The following ANKRD30BL variants were observed in gnomAD, a reference collection of about 807,000 sequenced individuals.
ANKRD30BL encodes the protein ankyrin repeat domain 30B like, also known as putative ankyrin repeat domain-containing protein 30B-like.
Under a neutral mutation model 18.4 loss-of-function variants are expected in ANKRD30BL, and 20 were observed. The observed-to-expected ratio is 1.09, with a 90% CI of 0.77 to 1.58. The LOEUF (loss-of-function observed/expected upper bound fraction) is 1.58. Among genes scored for constraint, ANKRD30BL ranks in the 40% most tolerant of loss-of-function variants. The probability of loss-of-function intolerance (pLI) is 0.00; values close to 1 mark genes in which losing one functional copy is unlikely to be tolerated. For synonymous variants in ANKRD30BL, 72 were observed against 100.9 expected (o/e 0.71, Z 1.72); for missense variants, 224 against 268.6 (o/e 0.83, Z 1.16).
chr2:132,183,244 G>A (rs932817810), intron 1 of ANKRD30BL, among the ~76,000 whole-genome samples: 4 of 149,688 alleles, frequency 2.7e-5, no homozygotes, highest in African/African-American at 9.9e-5. Context: ...TGATTATCTT[G>A]CCTCAGCCTC....
intron 1 of ANKRD30BL, among the ~76,000 whole-genome samples, chr2:132,208,238 A>G (rs1184735910): frequency 6.6e-6 from 1 of 152,136 alleles, no homozygotes; most frequent in Non-Finnish European, 1.5e-5. Context: ...CATTTTATTT[A>G]GAATACACAT....
rs530972526 is a variant in ANKRD30BL, at chr2:132,251,229, C to T, written n.441+6300G>A. 2.5e-3 allele frequency among the ~76,000 whole-genome samples: 382 copies of T among 152,234 alleles called. 1 individual carries two copies. The highest frequency in any genetic ancestry group is 7.8e-3 in the African/African-American group (326 of 41,532). ...TTCACTAATTCCAGTGGTGACATCT[C>T]GCATAGCCATAGAGCATTATCAAAA... On this transcript the variant is annotated intron_variant and non_coding_transcript_variant, in intron 1 of 4. Coordinates refer to the ANKRD30BL transcript ENST00000470729.
intron 1 of ANKRD30BL, among the ~76,000 whole-genome samples, chr2:132,254,551 C>T (rs1412008054): frequency 1.3e-5 from 2 of 152,168 alleles, no homozygotes; most frequent in East Asian, 3.9e-4. Context: ...AAGCTTATGA[C>T]CAGCACTTAC....
intron 1 of ANKRD30BL, among the ~76,000 whole-genome samples, chr2:132,193,535 A>G (rs1437533751): frequency 2.0e-5 from 3 of 151,972 alleles, no homozygotes; most frequent in Non-Finnish European, 4.4e-5. Context: ...TTCACAGCAA[A>G]GGATGGGCAG....
intron 1 of ANKRD30BL, among the ~76,000 whole-genome samples, chr2:132,230,291 A>T (rs532279113): frequency 1.5e-3 from 230 of 152,166 alleles, no homozygotes; most frequent in Non-Finnish European, 2.8e-3. Context: ...CCTTCATTGG[A>T]AACGGGAATA....
intron 1 of ANKRD30BL, among the ~76,000 whole-genome samples, chr2:132,213,385 T>A (rs1200014249): frequency 6.6e-6 from 1 of 152,060 alleles, no homozygotes; most frequent in African/African-American, 2.4e-5. Flanking sequence ...TGAACCTTTC[T>A]TTTGACTGAG....
At chr2:132,188,915 T>C (rs903015365) in intron 1 of ANKRD30BL, among the ~76,000 whole-genome samples, 2 of 152,180 alleles carry the variant, frequency 1.3e-5, no homozygotes, top group African/African-American at 4.8e-5. Context: ...GACGTCATTG[T>C]CCTGGACTTG....
At chr2:132,252,005 C>T (rs548526407) in intron 1 of ANKRD30BL, among the ~76,000 whole-genome samples, 34 of 152,308 alleles carry the variant, frequency 2.2e-4, no homozygotes, top group Admixed American at 2.6e-4. Context: ...ATTTAACAAA[C>T]CAAACACAAA....
chr2:132,246,933 G>A (rs1573891438), intron 1 of ANKRD30BL, among the ~76,000 whole-genome samples: 1 of 151,956 alleles, frequency 6.6e-6, no homozygotes, highest in Non-Finnish European at 1.5e-5. Flanking sequence ...ATCTGCAAGT[G>A]GATATTTGGA....
At chr2:132,169,305 A>G (rs541558034) in intron 1 of ANKRD30BL, among the ~76,000 whole-genome samples, 107 of 152,322 alleles carry the variant, frequency 7.0e-4, no homozygotes, top group African/African-American at 2.3e-3. Context: ...CATGAGGTCA[A>G]TTCTAAAAGA....
intron 1 of ANKRD30BL, among the ~76,000 whole-genome samples, chr2:132,231,253 C>A (rs541598293): frequency 1.6e-3 from 245 of 152,214 alleles, no homozygotes; most frequent in African/African-American, 5.8e-3. Flanking sequence ...CAGTTTTGAA[C>A]CTGTCTTTTT....
intron 1 of ANKRD30BL, among the ~76,000 whole-genome samples, chr2:132,193,596 A>C (rs1678902462): frequency 6.6e-6 from 1 of 152,150 alleles, no homozygotes; most frequent in Non-Finnish European, 1.5e-5. Flanking sequence ...TACACTCTTC[A>C]AGAAGCAGCT....
chr2:132,189,906 T>C (rs1259985984), intron 1 of ANKRD30BL, among the ~76,000 whole-genome samples: 1 of 152,178 alleles, frequency 6.6e-6, no homozygotes, highest in African/African-American at 2.4e-5. Context: ...AAATTAATTG[T>C]ATTATATGTT....
intron 1 of ANKRD30BL, among the ~76,000 whole-genome samples, chr2:132,168,420 C>T (rs1688223718): frequency 1.3e-5 from 2 of 152,036 alleles, no homozygotes; most frequent in South Asian, 4.1e-4. Context: ...ATTATTCATC[C>T]TTACAAAAGA....
intron 1 of ANKRD30BL, among the ~76,000 whole-genome samples, chr2:132,226,804 T>C (rs1377574381): frequency 1.3e-5 from 2 of 152,130 alleles, no homozygotes. Context: ...AAACTCTTTT[T>C]GTAGATTCTG....
chr2:132,179,459 T>G (rs1688422431), intron 1 of ANKRD30BL, among the ~76,000 whole-genome samples: 1 of 151,950 alleles, frequency 6.6e-6, no homozygotes, highest in Non-Finnish European at 1.5e-5. Flanking sequence ...TGCCTAATTT[T>G]TGTATTTTTA....
In ANKRD30BL at chr2:132,236,428, GA is replaced by G. The variant is rs1680153439; in HGVS notation, n.441+21100del. ...ACAATGAACTCAAACAAATTTACAA[GA>G]AAAAAACAAACAACCCCATCAAAAA... On this transcript the variant is annotated intron_variant and non_coding_transcript_variant, in intron 1 of 4. Transcript: ENST00000470729. 2.0e-5 allele frequency among the ~76,000 whole-genome samples: 3 copies of G among 151,852 alleles called. No homozygotes were observed. The South Asian group carries it at 6.3e-4, about 32-fold the overall frequency.
intron 1 of ANKRD30BL, among the ~76,000 whole-genome samples, chr2:132,222,688 A>G (rs1039182943): frequency 1.3e-5 from 2 of 151,960 alleles, no homozygotes; most frequent in Admixed American, 1.3e-4. Flanking sequence ...ACCCAGGGAC[A>G]CAAACATTGC....
At chr2:132,171,838 A>G (rs886708664) in intron 1 of ANKRD30BL, among the ~76,000 whole-genome samples, 2 of 152,138 alleles carry the variant, frequency 1.3e-5, no homozygotes, top group African/African-American at 2.4e-5. Context: ...GAACTCTTTA[A>G]TCATCCCATA....
Sources: allele counts gnomAD v4.1 joint callset (sites outside exome capture counted in the v4.1 genomes callset), GRCh38; gene constraint gnomAD v4.1.1; transcripts MANE v1.5; gene names NCBI Gene and HGNC (gene_info 2026-07-23, HGNC 2026-07-21).